DHRSX: variants seen among roughly 807,000 people sequenced by gnomAD.
DHRSX encodes the protein dehydrogenase/reductase X-linked, also known as polyprenol dehydrogenase.
A neutral mutation model predicts 34.0 loss-of-function variants in DHRSX; 31 were observed. That is an observed-to-expected ratio of 0.91 (90% confidence interval 0.69 to 1.23). The LOEUF is 1.23. Among genes scored for constraint, DHRSX ranks in the 50% most tolerant of loss-of-function variants. The pLI is 0.00. For synonymous variants in DHRSX, 201 were observed against 183.8 expected, an observed-to-expected ratio of 1.09 and a Z score of -0.76; for missense variants, 414 against 428.1, an observed-to-expected ratio of 0.97 and a Z score of 0.29.
chrX:2,411,741 A>T (rs765496528), intron 2 of DHRSX, among the ~76,000 whole-genome samples: 2 of 97,996 alleles, frequency 2.0e-5, no homozygotes, highest in East Asian at 2.1e-3. Flanking sequence ...AGAAAACAAA[A>T]CAAAACAAAA....
chrX:2,314,351 G>T (rs867364362), intron 3 of DHRSX, among the ~76,000 whole-genome samples: 1 of 32,806 alleles, frequency 3.0e-5, no homozygotes, highest in Non-Finnish European at 6.9e-5. Flanking sequence ...AAAGGAGGGA[G>T]GGAGGGAAAG....
intron 3 of DHRSX, among the ~76,000 whole-genome samples, chrX:2,311,236 G>A (rs1196474551): frequency 2.6e-5 from 4 of 152,010 alleles, no homozygotes; most frequent in Non-Finnish European, 4.4e-5. Flanking sequence ...GAGAGAAAGA[G>A]AGAGAGACAT....
Position 2,301,694 on chromosome X carries a change from G to A in DHRSX, c.287-10091C>T, listed in dbSNP as rs193199059. On this transcript the variant is annotated intron_variant, in intron 3 of 6. Transcript: ENST00000334651. ...CACCCTGTAGCTCAGGCTGAAGTGC[G>A]GTGGTGCGATCTCGGCTCACTGCAA... Among the ~76,000 whole-genome samples, 81 of 152,150 alleles carry A rather than the reference G, an allele frequency of 5.3e-4. No individual in the cohort carries two copies. The East Asian group carries it at 0.012, about 23-fold the overall frequency.
intron 3 of DHRSX, among the ~76,000 whole-genome samples, chrX:2,370,116 A>C (rs1343846440): frequency 6.6e-6 from 1 of 152,058 alleles, no homozygotes; most frequent in Non-Finnish European, 1.5e-5. Context: ...ACACCTGCAG[A>C]TGGCACACCA....
At chrX:2,331,959 C>T (rs943579488) in intron 3 of DHRSX, among the ~76,000 whole-genome samples, 1 of 152,110 alleles carries the variant, frequency 6.6e-6, no homozygotes, top group African/African-American at 2.4e-5. Flanking sequence ...CAAGACTCTC[C>T]ACCAGCAATA....
chrX:2,241,881 C>A (rs2016149217), intron 6 of DHRSX, among the ~76,000 whole-genome samples: 1 of 152,132 alleles, frequency 6.6e-6, no homozygotes, highest in African/African-American at 2.4e-5. Flanking sequence ...GCACTCCACT[C>A]TGGGCAACAC....
At chrX:2,289,816 A>C (rs1384843509) in intron 4 of DHRSX, among the ~76,000 whole-genome samples, 1 of 152,242 alleles carries the variant, frequency 6.6e-6, no homozygotes, top group Non-Finnish European at 1.5e-5. Flanking sequence ...GCCTGCGTAG[A>C]AACTTCAGAT....
At chrX:2,358,364 T>C (rs1038512589) in intron 3 of DHRSX, among the ~76,000 whole-genome samples, 8 of 152,050 alleles carry the variant, frequency 5.3e-5, no homozygotes, top group African/African-American at 1.9e-4. Flanking sequence ...CTTTGCCACG[T>C]CAGGCAAAGG....
chrX:2,489,843 G>C (rs2045077480), intron 1 of DHRSX: 1 of 1,613,610 alleles, frequency 6.2e-7, no homozygotes. Context: ...TTGAAGGTGT[G>C]GCCCAGGCAG....
chrX:2,266,048 C>A (rs772085513), intron 5 of DHRSX, among the ~76,000 whole-genome samples: 2 of 129,448 alleles, frequency 1.5e-5, no homozygotes, highest in East Asian at 5.2e-4. Flanking sequence ...GTACAGCAGA[C>A]GCAGGGAGCA....
At chrX:2,231,046 A>G (rs1159972984) in intron 6 of DHRSX, among the ~76,000 whole-genome samples, 7 of 152,180 alleles carry the variant, frequency 4.6e-5, no homozygotes, top group African/African-American at 9.6e-5. Context: ...GGTCTCGCAC[A>G]GAGACCTTCA....
chrX:2,336,934 G>A (rs1026173647), intron 3 of DHRSX, among the ~76,000 whole-genome samples: 24 of 152,016 alleles, frequency 1.6e-4, no homozygotes, highest in African/African-American at 5.8e-4. Context: ...CATGTGCCAT[G>A]CTGGTTTCCT....
chrX:2,248,626 AGAAAAAG>A (rs2016357615), intron 5 of DHRSX, among the ~76,000 whole-genome samples: 1 of 75,606 alleles, frequency 1.3e-5, no homozygotes, highest in Admixed American at 1.4e-4. Flanking sequence ...AAAAAAAAAA[AGAAAAAG>A]AAAAGAAAAG....
intron 5 of DHRSX, among the ~76,000 whole-genome samples, chrX:2,246,682 GAAAAA>G (rs2016292534): frequency 2.1e-5 from 2 of 93,142 alleles, no homozygotes; most frequent in Non-Finnish European, 4.4e-5. Context: ...AAGAAAGAAA[GAAAAA>G]GAAAAGAAAA....
chrX:2,236,907 G>A (rs754967918), intron 6 of DHRSX, among the ~76,000 whole-genome samples: 24 of 152,140 alleles, frequency 1.6e-4, no homozygotes, highest in Non-Finnish European at 3.2e-4. Flanking sequence ...GAAATGGGGG[G>A]GCTGGGTAGG....
At chrX:2,371,669 CCCTCCTCCTCCCATTATCACCGCCCCT>C (rs1466014958) in intron 3 of DHRSX, among the ~76,000 whole-genome samples, 8 of 76,342 alleles carry the variant, frequency 1.0e-4, no homozygotes, top group Non-Finnish European at 3.5e-4. Context: ...TTACCATAGT[CCCTCCTCCTCCCATTATCACCGCCCCT>C]CCTCCTCCCA....
At chrX:2,234,649 G>T (rs919539484) in intron 6 of DHRSX, among the ~76,000 whole-genome samples, 1 of 152,230 alleles carries the variant, frequency 6.6e-6, no homozygotes, top group African/African-American at 2.4e-5. Flanking sequence ...ATCAAAGAAT[G>T]AAATCATGTC....
At chrX:2,433,038 C>T (rs1355900714) in intron 1 of DHRSX, among the ~76,000 whole-genome samples, 1 of 151,944 alleles carries the variant, frequency 6.6e-6, no homozygotes, top group Admixed American at 6.6e-5. Context: ...ATGGGAGGAT[C>T]ACTTGAGCCC....
intron 3 of DHRSX, among the ~76,000 whole-genome samples, chrX:2,394,192 C>T (rs1265631968): frequency 3.3e-5 from 5 of 152,136 alleles, no homozygotes; most frequent in Admixed American, 1.3e-4. Context: ...GACAGGGCGC[C>T]GGAGGAGAGG....
Sources: allele counts gnomAD v4.1 joint callset (sites outside exome capture counted in the v4.1 genomes callset), GRCh38; gene constraint gnomAD v4.1.1; transcripts MANE v1.5; gene names NCBI Gene and HGNC (gene_info 2026-07-23, HGNC 2026-07-21).